Variants in CLSTN2 observed in about 807,000 individuals in gnomAD.
CLSTN2 encodes the protein calsyntenin 2.
CLSTN2 carries 48 observed loss-of-function variants against 101.2 expected under a neutral mutation model. The ratio of observed to expected loss-of-function variants is 0.47; its 90% CI spans 0.38 to 0.60. CLSTN2 has a LOEUF of 0.60. Among genes scored for constraint, CLSTN2 ranks in the 20% least tolerant of loss-of-function variants. The pLI is 0.00. For missense variants in CLSTN2, 1,160 were observed against 1,238.2 expected (o/e 0.94, Z 0.95); for synonymous variants, 481 against 463.6 (o/e 1.04, Z -0.48).
chr3:140,363,580 G>A (rs2087752872), intron 2 of CLSTN2, among the ~76,000 whole-genome samples: 1 of 152,176 alleles, frequency 6.6e-6, no homozygotes, highest in Non-Finnish European at 1.5e-5. Flanking sequence ...GCTGACAGTG[G>A]AAATGCTGGG....
chr3:140,038,235 C>T (rs567182819), intron 1 of CLSTN2, among the ~76,000 whole-genome samples: 1 of 152,234 alleles, frequency 6.6e-6, no homozygotes, highest in East Asian at 1.9e-4. Flanking sequence ...TAATAATCAC[C>T]ATTCTGACTG....
intron 2 of CLSTN2, among the ~76,000 whole-genome samples, chr3:140,252,040 A>G (rs1271022904): frequency 6.6e-6 from 1 of 152,178 alleles, no homozygotes; most frequent in Admixed American, 6.6e-5. Context: ...TCTAAGCATG[A>G]TGGAGAGGCA....
At chr3:140,399,117 T>A (rs1392723609) in intron 2 of CLSTN2, among the ~76,000 whole-genome samples, 2 of 152,210 alleles carry the variant, frequency 1.3e-5, no homozygotes, top group Non-Finnish European at 2.9e-5. Flanking sequence ...CCCATGCTCA[T>A]CTGTGTGTTG....
intron 1 of CLSTN2, among the ~76,000 whole-genome samples, chr3:140,038,461 G>T (rs376831018): frequency 1.2e-4 from 19 of 152,120 alleles, no homozygotes; most frequent in African/African-American, 4.6e-4. Flanking sequence ...CAGATGGACA[G>T]ATTGTAAAAA....
At chr3:140,169,807 T>C (rs2107824747) in intron 1 of CLSTN2, among the ~76,000 whole-genome samples, 1 of 152,258 alleles carries the variant, frequency 6.6e-6, no homozygotes, top group East Asian at 1.9e-4. Context: ...AGTGCAAGGG[T>C]ACACCTTAGC....
chr3:140,133,131 T>C (rs6796645), intron 1 of CLSTN2, among the ~76,000 whole-genome samples: 135,430 of 152,170 alleles, frequency 0.89, 60,468 homozygotes, highest in African/African-American at 0.96. Context: ...GAAGTCGAAG[T>C]GGGTGTAGAC....
chr3:140,325,876 T>C (rs1466749238), intron 2 of CLSTN2, among the ~76,000 whole-genome samples: 1 of 152,198 alleles, frequency 6.6e-6, no homozygotes, highest in Non-Finnish European at 1.5e-5. Context: ...TGACCCTGTC[T>C]CCTTTGTTCA....
chr3:140,522,036 G>A (rs1014783232), intron 8 of CLSTN2, among the ~76,000 whole-genome samples: 25 of 152,330 alleles, frequency 1.6e-4, no homozygotes, highest in African/African-American at 4.8e-5. Flanking sequence ...AGTCAGACCC[G>A]AGACCCTGGT....
intron 1 of CLSTN2, among the ~76,000 whole-genome samples, chr3:140,010,529 G>T (rs2007051092): frequency 1.3e-5 from 2 of 152,162 alleles, no homozygotes; most frequent in Admixed American, 1.3e-4. Flanking sequence ...TTTACATCTT[G>T]CTCTTTCCTG....
chr3:139,991,988 T>C (rs1367129216), intron 1 of CLSTN2, among the ~76,000 whole-genome samples: 2 of 152,182 alleles, frequency 1.3e-5, no homozygotes, highest in African/African-American at 4.8e-5. Flanking sequence ...AGACCCATTG[T>C]CCAGGTCTGC....
At chr3:139,954,300 A>C (rs1215947155) in intron 1 of CLSTN2, among the ~76,000 whole-genome samples, 1 of 152,144 alleles carries the variant, frequency 6.6e-6, no homozygotes, top group East Asian at 1.9e-4. Context: ...TTTGTGGGGC[A>C]TTTGGAGAAT....
intron 8 of CLSTN2, among the ~76,000 whole-genome samples, chr3:140,481,584 G>T (rs1934117564): frequency 6.6e-6 from 1 of 152,194 alleles, no homozygotes; most frequent in Non-Finnish European, 1.5e-5. Flanking sequence ...CCATGAGCAT[G>T]GAATGTTCTT....
chr3:140,027,489 G>A (rs983373853), intron 1 of CLSTN2, among the ~76,000 whole-genome samples: 8 of 152,128 alleles, frequency 5.3e-5, no homozygotes, highest in Non-Finnish European at 8.8e-5. Context: ...CTGACATTTT[G>A]ATTTTAGACT....
At chr3:140,107,590 A>T (rs2009080733) in intron 1 of CLSTN2, among the ~76,000 whole-genome samples, 1 of 152,180 alleles carries the variant, frequency 6.6e-6, no homozygotes, top group Admixed American at 6.5e-5. Context: ...TATTCTGAGT[A>T]CAACTGTATC....
At chr3:140,344,271 G>A (rs1390439049) in intron 2 of CLSTN2, among the ~76,000 whole-genome samples, 1 of 152,194 alleles carries the variant, frequency 6.6e-6, no homozygotes, top group Non-Finnish European at 1.5e-5. Context: ...TGTGCCTGGA[G>A]GTTTCCAAGA....
intron 5 of CLSTN2, among the ~76,000 whole-genome samples, chr3:140,447,671 C>A (rs1242614467): frequency 1.3e-5 from 2 of 152,238 alleles, no homozygotes; most frequent in Non-Finnish European, 2.9e-5. Context: ...CTTGTGACCT[C>A]ATGAGATCCT....
At chr3:140,363,493 A>G (rs2107951560) in intron 2 of CLSTN2, among the ~76,000 whole-genome samples, 1 of 152,236 alleles carries the variant, frequency 6.6e-6, no homozygotes, top group East Asian at 1.9e-4. Flanking sequence ...TAAATACTTC[A>G]ATGAAATTGC....
At chr3:140,538,613 C>T (rs77028142) in intron 9 of CLSTN2, among the ~76,000 whole-genome samples, 14,069 of 152,228 alleles carry the variant, frequency 0.092, 812 homozygotes, top group South Asian at 0.14. Flanking sequence ...CAGACAACAG[C>T]GTTAGTACAG....
In CLSTN2 at chr3:140,147,282, A is replaced by G. The variant is rs139646340; in HGVS notation, c.110-28669A>G. Among the ~76,000 whole-genome samples the G allele has an allele frequency of 3.9e-3, 594 of 152,294 alleles. 3 individuals carry two copies. Among genetic ancestry groups the G allele is most frequent in the South Asian group, 5.8e-3 (28 of 4,820 alleles). On this transcript the variant is annotated intron_variant, in intron 1 of 16. Coordinates refer to ENST00000458420, the MANE Select transcript of CLSTN2 (RefSeq NM_022131.3). The stretch of plus-strand genomic sequence containing the variant: ...CCCTGAGGTTGAGGCTTCAAAGATG[A>G]CCTTCTTGCTTTATGCCCACCTTGT...
Sources: gnomAD v4.1 joint callset for allele counts (sites outside exome capture counted in the v4.1 genomes callset) on GRCh38, gnomAD v4.1.1 for gene constraint, MANE v1.5 for transcripts, NCBI Gene and HGNC (gene_info 2026-07-23, HGNC 2026-07-21) for gene names.